Variants in EPN3 observed in about 807,000 individuals in gnomAD.
EPN3 encodes the protein epsin 3.
In EPN3, 56 loss-of-function variants were observed where a neutral mutation model predicts 55.5. The ratio of observed to expected loss-of-function variants is 1.01; its 90% CI spans 0.81 to 1.26. EPN3 has a LOEUF of 1.26. Among genes scored for constraint, EPN3 ranks in the 50% most tolerant of loss-of-function variants. EPN3 has a pLI of 0.00. For synonymous variants in EPN3, 449 were observed against 375.2 expected (o/e 1.20, Z -2.27); for missense variants, 927 against 853.4 (o/e 1.09, Z -1.07).
chr17:50,534,298 A>G, intron 1 of EPN3: 1 of 535,500 alleles, frequency 1.9e-6, no homozygotes, highest in South Asian at 8.0e-5. Flanking sequence ...TCTGTGAGAA[A>G]GGTCCAGGCA....
Position 50,539,277 on chromosome 17 carries a change from GAA to G in EPN3, c.854_855del (p.Glu285GlyfsTer20). 1 of 1,614,238 alleles carries G rather than the reference GAA, an allele frequency of 6.2e-7. No homozygotes were observed. Among genetic ancestry groups the G allele is most frequent in the Non-Finnish European group, 8.5e-7 (1 of 1,180,038 alleles). Reference protein sequence around the residue: ...HHQRDREPEREERKEEEKLKT... With the variant: ...HHQRDREPERXERKEEEKLKT... Reference sequence around the variant, plus strand: ...TCAGCGGGACAGAGAGCCTGAGAGAGAAGAGAGAAAGGAGGAGGAGAAGCTAA... The same window carrying G: ...TCAGCGGGACAGAGAGCCTGAGAGAGGAGAGAAAGGAGGAGGAGAAGCTAA... On this transcript the variant is annotated frameshift_variant, in exon 5 of 10. Transcript: ENST00000268933. LOFTEE classifies it high-confidence loss of function.
chr17:50,535,794 A>T (rs2034751019), intron 1 of EPN3, among the ~76,000 whole-genome samples: 1 of 152,232 alleles, frequency 6.6e-6, no homozygotes, highest in Non-Finnish European at 1.5e-5. Context: ...GCATCAAACT[A>T]CAAAAATTAA....
At chr17:50,540,758 G>T (rs2034836826) in intron 6 of EPN3, 35 bp from the exon 7 acceptor site, 13 of 1,560,088 alleles carry the variant, frequency 8.3e-6, no homozygotes, top group East Asian at 2.3e-5. Flanking sequence ...GATAAGGGTG[G>T]GCCTGGGATC....
At position 50,541,346 on chromosome 17, in the gene EPN3, A is replaced by C; in HGVS notation, c.1354+13A>C. On this transcript the variant is annotated intron_variant, in intron 8 of 9. Transcript: ENST00000268933. ...AGCAGCCCTGTGGGTGAGCAGGGCA[A>C]GGGGATGGTGAGGCTCTGGGGAATG... 1 of 1,610,856 alleles carries C rather than the reference A, an allele frequency of 6.2e-7. No homozygotes were observed. Among genetic ancestry groups the C allele is most frequent in the Non-Finnish European group, 8.5e-7 (1 of 1,179,586 alleles).
In EPN3 at chr17:50,537,213, C is replaced by T. The variant is rs1042221253; in HGVS notation, c.562+95C>T. ...AGCCATGGTTCATAATACCTACCTC[C>T]GAGGGGTGTTATGAAGATTCAGACA... On this transcript the variant is annotated intron_variant, in intron 2 of 9. Transcript: ENST00000268933. 29 of 1,248,424 alleles carry T rather than the reference C, an allele frequency of 2.3e-5. No homozygotes were observed. The African/African-American group carries it at 2.4e-4, about 10-fold the overall frequency. 77.3% of individuals were successfully genotyped at this position (1,248,424 alleles called of 1,614,324 possible). A position where few individuals can be genotyped will look rare whatever the true frequency, so the allele number is the denominator to read the frequency against.
At chr17:50,533,300 T>C (rs1444649295) in intron 1 of EPN3, among the ~76,000 whole-genome samples, 2 of 152,062 alleles carry the variant, frequency 1.3e-5, no homozygotes, top group African/African-American at 2.4e-5. Context: ...CATGCACACC[T>C]CTAGCCTCAG....
At position 50,532,832 on chromosome 17, in the gene EPN3, C is replaced by T. The variant is rs375564066; in HGVS notation, c.-290C>T. ...CGCTGCCCCTCTGAGGGGTCTGCAC[C>T]TCCTGGGAGCAGGTGGGTCTCTGGG... On this transcript the variant is annotated 5_prime_UTR_variant, in exon 1 of 10. Transcript: ENST00000268933. 77 of 1,248,986 alleles carry T rather than the reference C, an allele frequency of 6.2e-5. No homozygotes were observed. The African/African-American group carries it at 1.1e-3, about 17-fold the overall frequency. 77.4% of individuals were successfully genotyped at this position (1,248,986 alleles called of 1,614,324 possible). A position where few individuals can be genotyped will look rare whatever the true frequency, so the allele number is the denominator to read the frequency against.
At chr17:50,537,209 C>T in intron 2 of EPN3, 91 bp downstream of exon 2, 1 of 1,270,958 alleles carries the variant, frequency 7.9e-7, no homozygotes, top group Non-Finnish European at 1.1e-6. Flanking sequence ...ATAATACCTA[C>T]CTCCGAGGGG....
intron 4 of EPN3, 81 bp downstream of exon 4, chr17:50,539,045 C>T (rs371377943): frequency 2.7e-5 from 42 of 1,527,916 alleles, no homozygotes; most frequent in Non-Finnish European, 3.3e-5. Flanking sequence ...AGCCTCCTCC[C>T]GCTGTACCCG....
At position 50,539,247 on chromosome 17, in the gene EPN3, C is replaced by T. The variant is rs377550026; in HGVS notation, c.823C>T (p.His275Tyr). ...PMANGAGAVVHHQRDREPERE... is the reference protein window; with the variant it reads ...PMANGAGAVVYHQRDREPERE... ...GGCCAATGGTGCAGGGGCCGTGGTC[C>T]ACCATCAGCGGGACAGAGAGCCTGA... The change falls in exon 5 of 10, where the codon CAC (histidine) becomes TAC (tyrosine). Residue 275 changes from histidine (H) to tyrosine (Y), a missense_variant. Physicochemically the swap from His to Tyr is moderately conservative, Grantham distance 83. Transcript: ENST00000268933. The T allele has an allele frequency of 8.1e-6, 13 of 1,614,050 alleles. No homozygotes were observed. In the African/African-American group the frequency reaches 1.3e-4, roughly 17 times the overall value.
At chr17:50,540,770 T>A (rs1188877387) in intron 6 of EPN3, 23 bp from the exon 7 acceptor site, 2 of 1,591,814 alleles carry the variant, frequency 1.3e-6, no homozygotes, top group Non-Finnish European at 8.6e-7. Flanking sequence ...CCTGGGATCA[T>A]GTCTATGCTG....
chr17:50,533,726 G>A (rs958559180), intron 1 of EPN3, among the ~76,000 whole-genome samples: 1 of 152,172 alleles, frequency 6.6e-6, no homozygotes, highest in Non-Finnish European at 1.5e-5. Context: ...ATGCAGGAGA[G>A]AGCTGATACT....
Position 50,542,462 on chromosome 17 carries a change from G to A in EPN3, c.*305G>A. 1 of 347,676 alleles carries A rather than the reference G, an allele frequency of 2.9e-6. No individual in the cohort carries two copies. The highest frequency in any genetic ancestry group is 5.2e-6 in the Non-Finnish European group (1 of 192,954). 21.5% of individuals were successfully genotyped at this position (347,676 alleles called of 1,614,324 possible). ...GTTTAGGAAACTGCAGCTGCACAAC[G>A]TGGGGTGCAAAACTGCCCCGCTTCC... On this transcript the variant is annotated 3_prime_UTR_variant, in exon 10 of 10. Transcript: ENST00000268933.
At position 50,542,408 on chromosome 17, in the gene EPN3, G is replaced by A. The variant is rs998669629; in HGVS notation, c.*251G>A. On this transcript the variant is annotated 3_prime_UTR_variant, in exon 10 of 10. Transcript: ENST00000268933. ...GACTTTTTGCGGGGTGTGGCGGCCG[G>A]GTCTCGACCACAGCGTGGATCACCG... is the stretch of plus-strand genomic sequence containing the variant. 4 of 434,246 alleles carry A rather than the reference G, an allele frequency of 9.2e-6. No homozygotes were observed. Among genetic ancestry groups the A allele is most frequent in the African/African-American group, 8.4e-5 (4 of 47,496 alleles). The allele number at this position is 434,246 out of a possible 1,614,324, so 26.9% of individuals were successfully genotyped here. A position where few individuals can be genotyped will look rare whatever the true frequency, so the allele number is the denominator to read the frequency against.
chr17:50,539,644 C>G (rs1027608829), intron 5 of EPN3, among the ~76,000 whole-genome samples: 1 of 152,222 alleles, frequency 6.6e-6, no homozygotes, highest in African/African-American at 2.4e-5. Flanking sequence ...AGTTCCAGCT[C>G]TGACATGCTA....
chr17:50,539,213 C>G lies in EPN3; in HGVS notation c.789C>G (p.Gly263=). Residue 263 remains glycine, a synonymous_variant, in exon 5 of 10, where the codon GGC becomes GGG. Transcript: ENST00000268933. The part of the protein sequence containing the change: ...EKEVRSWQGD[G]SPMANGAGAV... ...AGGTGAGGTCCTGGCAGGGTGATGGCTCCCCCATGGCCAATGGTGCAGGGG... is the reference window on the plus strand; with the variant it reads ...AGGTGAGGTCCTGGCAGGGTGATGGGTCCCCCATGGCCAATGGTGCAGGGG... 6.2e-7 allele frequency: 1 copy of G among 1,614,108 alleles called. No homozygotes were observed. The highest frequency in any genetic ancestry group is 8.5e-7 in the Non-Finnish European group (1 of 1,180,008).
At chr17:50,534,362 A>G in intron 1 of EPN3, 1 of 966,858 alleles carries the variant, frequency 1.0e-6, no homozygotes, top group Non-Finnish European at 1.2e-6. Context: ...GCCCCCACAC[A>G]GGCCAGGCCG....
intron 1 of EPN3, chr17:50,534,373 G>A: frequency 1.0e-6 from 1 of 978,118 alleles, no homozygotes; most frequent in Non-Finnish European, 1.2e-6. Flanking sequence ...GGCCAGGCCG[G>A]AGGGCCAGGG....
rs1216021700 is a variant in EPN3, at chr17:50,543,203, T to G, written c.*1046T>G. The G allele has an allele frequency of 6.6e-6, 1 of 152,256 alleles. No homozygotes were observed. The highest frequency in any genetic ancestry group is 1.5e-5 in the Non-Finnish European group (1 of 68,062). The allele number at this position is 152,256 out of a possible 1,614,324, so 9.4% of individuals were successfully genotyped here. On this transcript the variant is annotated 3_prime_UTR_variant, in exon 10 of 10. Coordinates refer to ENST00000268933, the MANE Select transcript of EPN3 (RefSeq NM_017957.3). ...AAGCCAAGTGCAGGAGCTCCCAGGCTCCTTTGTTTTACTGAGTCACCTTAA... is the reference window on the plus strand; with the variant it reads ...AAGCCAAGTGCAGGAGCTCCCAGGCGCCTTTGTTTTACTGAGTCACCTTAA...
Sources: gnomAD v4.1 joint callset for allele counts (sites outside exome capture counted in the v4.1 genomes callset) on GRCh38, gnomAD v4.1.1 for gene constraint, MANE v1.5 for transcripts, NCBI Gene and HGNC (gene_info 2026-07-23, HGNC 2026-07-21) for gene names.